The following VSIG1 variants were observed in gnomAD, a reference collection of about 807,000 sequenced individuals.
VSIG1 encodes the protein V-set and immunoglobulin domain containing 1.
In VSIG1, 11 loss-of-function variants were observed where a neutral mutation model predicts 20.1. That is an observed-to-expected ratio of 0.55 (90% CI 0.34 to 0.91). The LOEUF is 0.91. Among genes scored for constraint, VSIG1 ranks in the 40% least tolerant of loss-of-function variants. The pLI, the probability that VSIG1 is intolerant of heterozygous loss-of-function variation, is 0.02. For missense variants in VSIG1, 283 were observed against 298.8 expected (o/e 0.95, Z 0.39); for synonymous variants, 126 against 116.7 (o/e 1.08, Z -0.52).
At chrX:108,035,143 G>T in the VSIG1 span, among the ~76,000 whole-genome samples, 2 of 111,751 alleles carry the variant, frequency 1.8e-5, no homozygotes, top group Non-Finnish European at 3.8e-5. Context: ...CTGTTGCCCA[G>T]GCTGGAGTGC....
the VSIG1 span, among the ~76,000 whole-genome samples, chrX:108,023,443 G>A: frequency 8.9e-6 from 1 of 111,949 alleles, no homozygotes; most frequent in Non-Finnish European, 1.9e-5. Flanking sequence ...TGATATCAGG[G>A]TAATGCTGGC....
chrX:108,047,959 CACATATATATATATATATAT>C (rs2030679266), intron 1 of VSIG1, among the ~76,000 whole-genome samples: 4 of 14,808 alleles, frequency 2.7e-4, no homozygotes, highest in South Asian at 4.9e-3. Context: ...TATATACACA[CACATATATATATATATATAT>C]ATATATATAT....
intron 5 of VSIG1, 96 bp downstream of exon 5, chrX:108,073,465 C>G: frequency 9.8e-7 from 1 of 1,025,626 alleles, no homozygotes. Context: ...GTTAGTGCTT[C>G]CTGCTTCTCT....
At chrX:108,021,248 C>T in the VSIG1 span, among the ~76,000 whole-genome samples, 1 of 111,770 alleles carries the variant, frequency 8.9e-6, no homozygotes, top group Non-Finnish European at 1.9e-5. Flanking sequence ...TTTCACTTCT[C>T]TGCTGCCCTG....
At chrX:108,042,332 C>G (rs1005049449), upstream of VSIG1, among the ~76,000 whole-genome samples, 5 of 111,794 alleles carry the variant, frequency 4.5e-5, no homozygotes, top group Admixed American at 2.9e-4. Context: ...TAGGGCCAAC[C>G]AACTCAGACA....
the VSIG1 span, among the ~76,000 whole-genome samples, chrX:108,037,551 T>A: frequency 8.9e-6 from 1 of 111,931 alleles, no homozygotes; most frequent in African/African-American, 3.3e-5. Context: ...TTAATTAGAA[T>A]TTGCCTCAAG....
At chrX:108,035,775 G>A in the VSIG1 span, among the ~76,000 whole-genome samples, 4 of 109,876 alleles carry the variant, frequency 3.6e-5, no homozygotes, top group Middle Eastern at 4.7e-3. Context: ...CAGCAAGAGC[G>A]TGACCCTGGG....
At chrX:108,030,863 C>G in the VSIG1 span, among the ~76,000 whole-genome samples, 7 of 111,401 alleles carry the variant, frequency 6.3e-5, no homozygotes, top group East Asian at 1.7e-3. Flanking sequence ...TTGTCTAATG[C>G]CAGTTAAGGT....
intron 1 of VSIG1, among the ~76,000 whole-genome samples, chrX:108,052,153 T>C (rs2030797696): frequency 9.0e-6 from 1 of 111,661 alleles, no homozygotes; most frequent in East Asian, 2.8e-4. Context: ...TTGGGTACAG[T>C]GTACACTGTT....
At chrX:108,064,395 A>G (rs753546047) in intron 2 of VSIG1, among the ~76,000 whole-genome samples, 1 of 111,892 alleles carries the variant, frequency 8.9e-6, no homozygotes, top group South Asian at 3.8e-4. Flanking sequence ...AAGAGGTAGT[A>G]AAGGTCTTTT....
upstream of VSIG1, among the ~76,000 whole-genome samples, chrX:108,041,053 T>G (rs186150342): frequency 0.019 from 2,009 of 107,528 alleles, 37 homozygotes; most frequent in African/African-American, 0.065. Flanking sequence ...CTTTTGTAAT[T>G]TTTAAGTTAA....
At chrX:108,036,986 A>AT in the VSIG1 span, among the ~76,000 whole-genome samples, 1 of 111,815 alleles carries the variant, frequency 8.9e-6, no homozygotes, top group Non-Finnish European at 1.9e-5. Context: ...GGAATGTTGC[A>AT]CAGGTTTGCA....
chrX:108,047,967 T>TATATATATATACACAC (rs1569287465), intron 1 of VSIG1, among the ~76,000 whole-genome samples: 1 of 27,103 alleles, frequency 3.7e-5, no homozygotes, highest in Non-Finnish European at 6.9e-5. Flanking sequence ...CACACATATA[T>TATATATATATACACAC]ATATATATAT....
intron 5 of VSIG1, among the ~76,000 whole-genome samples, chrX:108,075,652 C>G (rs2031333500): frequency 9.0e-6 from 1 of 111,186 alleles, no homozygotes. Flanking sequence ...CATATCACTT[C>G]CCAGTGACCA....
intron 5 of VSIG1, among the ~76,000 whole-genome samples, chrX:108,074,430 A>G (rs779533472): frequency 2.7e-5 from 3 of 111,213 alleles, no homozygotes; most frequent in African/African-American, 6.5e-5. Context: ...CTTTTTTCCA[A>G]TGATGTCCAG....
intron 2 of VSIG1, among the ~76,000 whole-genome samples, chrX:108,061,243 G>C (rs757704520): frequency 8.9e-6 from 1 of 112,480 alleles, no homozygotes; most frequent in South Asian, 3.7e-4. Context: ...AGGGATTGCT[G>C]GTGGAACATT....
upstream of VSIG1, among the ~76,000 whole-genome samples, chrX:108,040,213 G>A (rs2030457411): frequency 9.0e-6 from 1 of 111,564 alleles, no homozygotes; most frequent in African/African-American, 3.3e-5. Context: ...GGCTAAGCTT[G>A]TAAACAAGCA....
the VSIG1 span, among the ~76,000 whole-genome samples, chrX:108,026,549 A>C: frequency 1.8e-5 from 2 of 111,136 alleles, no homozygotes; most frequent in Non-Finnish European, 3.8e-5. Flanking sequence ...AACCAAACCA[A>C]AGGCATATCT....
chrX:108,054,471 A>G (rs2030850687), intron 1 of VSIG1, among the ~76,000 whole-genome samples: 1 of 111,783 alleles, frequency 8.9e-6, no homozygotes, highest in South Asian at 3.7e-4. Flanking sequence ...AGTGGTTTTA[A>G]ATTATATCTC....
Sources: allele counts gnomAD v4.1 joint callset (sites outside exome capture counted in the v4.1 genomes callset), GRCh38; gene constraint gnomAD v4.1.1; transcripts MANE v1.5; gene names NCBI Gene and HGNC (gene_info 2026-07-23, HGNC 2026-07-21).